The following FAF2 variants were observed in gnomAD, a reference collection of about 807,000 sequenced individuals.
FAF2 encodes the protein Fas associated factor family member 2.
FAF2 carries 9 observed loss-of-function variants against 62.3 expected under a neutral mutation model. The observed-to-expected ratio is 0.14, with a 90% CI of 0.09 to 0.25. The LOEUF (loss-of-function observed/expected upper bound fraction) is 0.25. Ranked by LOEUF, FAF2 falls within the 10% of genes least tolerant of loss-of-function variation. FAF2 has a pLI of 1.00. For missense variants in FAF2, 368 were observed against 556.2 expected (o/e 0.66, Z 3.40); for synonymous variants, 202 against 198.0 (o/e 1.02, Z -0.17).
At chr5:176,462,258 A>C (rs987252161) in intron 1 of FAF2, among the ~76,000 whole-genome samples, 3 of 151,264 alleles carry the variant, frequency 2.0e-5, no homozygotes, top group Admixed American at 6.6e-5. Context: ...CCTGGGTGGC[A>C]GAGTGAGATT....
At chr5:176,497,314 A>T (rs994576490) in intron 8 of FAF2, among the ~76,000 whole-genome samples, 1 of 152,228 alleles carries the variant, frequency 6.6e-6, no homozygotes, top group Non-Finnish European at 1.5e-5. Flanking sequence ...TAATTATAGG[A>T]AATCCTAAAA....
At chr5:176,459,265 T>TC (rs994263888) in intron 1 of FAF2, among the ~76,000 whole-genome samples, 1 of 147,942 alleles carries the variant, frequency 6.8e-6, no homozygotes, top group African/African-American at 2.5e-5. Context: ...TTTTTTTTTT[T>TC]TTTTTCTTTT....
At chr5:176,458,585 A>T in intron 1 of FAF2, among the ~76,000 whole-genome samples, 2 of 141,010 alleles carry the variant, frequency 1.4e-5, no homozygotes, top group African/African-American at 2.6e-5. Context: ...TGTATTTTTT[A>T]AGTAGAGATG....
chr5:176,499,327 A>G (rs748596225), intron 9 of FAF2, among the ~76,000 whole-genome samples: 24 of 152,200 alleles, frequency 1.6e-4, no homozygotes, highest in Non-Finnish European at 3.1e-4. Context: ...GGGCTTTGCC[A>G]TATTGGCCAG....
intron 7 of FAF2, 133 bp from the exon 8 acceptor site, chr5:176,496,353 G>A (rs2963669): frequency 0.81 from 506,070 of 628,218 alleles, 204,524 homozygotes; most frequent in African/African-American, 0.91. Context: ...GGGAAAAAGC[G>A]GAGACTAAAT....
chr5:176,509,263 A>G lies in FAF2; in HGVS notation c.*2313A>G, dbSNP rs1453831387. The G allele has an allele frequency of 6.6e-6, 1 of 152,280 alleles. No individual in the cohort carries two copies. Among genetic ancestry groups the G allele is most frequent in the East Asian group, 1.9e-4 (1 of 5,178 alleles). The allele number at this position is 152,280 out of a possible 1,614,324, so 9.4% of individuals were successfully genotyped here. On this transcript the variant is annotated 3_prime_UTR_variant, in exon 11 of 11. Transcript: ENST00000261942. Reference sequence around the variant, plus strand: ...CTAGGTGCCATTTCCTTTCCTCCTCAGTCAAATACAGGCTGCACATTTTGT... The same window carrying G: ...CTAGGTGCCATTTCCTTTCCTCCTCGGTCAAATACAGGCTGCACATTTTGT...
intron 7 of FAF2, among the ~76,000 whole-genome samples, chr5:176,495,226 A>T (rs886246287): frequency 1.3e-5 from 2 of 152,190 alleles, no homozygotes; most frequent in African/African-American, 4.8e-5. Flanking sequence ...AGTTTATATT[A>T]GCATGCCACA....
chr5:176,462,750 G>T (rs1178761805), intron 1 of FAF2, among the ~76,000 whole-genome samples: 1 of 152,232 alleles, frequency 6.6e-6, no homozygotes, highest in East Asian at 1.9e-4. Flanking sequence ...ATTAAATTTT[G>T]CTAATATATA....
At chr5:176,463,979 C>T (rs774713533) in intron 1 of FAF2, among the ~76,000 whole-genome samples, 1 of 152,144 alleles carries the variant, frequency 6.6e-6, no homozygotes, top group Non-Finnish European at 1.5e-5. Context: ...ATCTGCCTGC[C>T]TCAGCCTCCC....
intron 2 of FAF2, 113 bp from the exon 3 acceptor site, chr5:176,486,242 T>C: frequency 1.5e-6 from 2 of 1,322,472 alleles, no homozygotes; most frequent in Non-Finnish European, 2.1e-6. Flanking sequence ...AGTGACCTTT[T>C]GGTGTATTCA....
chr5:176,480,320 T>G (rs778168004), intron 2 of FAF2, among the ~76,000 whole-genome samples: 2 of 151,992 alleles, frequency 1.3e-5, no homozygotes, highest in Non-Finnish European at 2.9e-5. Flanking sequence ...TTTAATAAAA[T>G]GTATTCCTAA....
rs141664755 is a variant in FAF2, at chr5:176,508,733, A to G, written c.*1783A>G. 1 of 152,322 alleles carries G rather than the reference A, an allele frequency of 6.6e-6. No homozygotes were observed. Among genetic ancestry groups the G allele is most frequent in the African/African-American group, 2.4e-5 (1 of 41,566 alleles). 9.4% of individuals were successfully genotyped at this position (152,322 alleles called of 1,614,324 possible). A position where few individuals can be genotyped will look rare whatever the true frequency, so the allele number is the denominator to read the frequency against. On this transcript the variant is annotated 3_prime_UTR_variant, in exon 11 of 11. Transcript: ENST00000261942. ...GTGGAATCACCATCTGACTGCTGTC[A>G]ATAAAATGTATCTGGCGTGAACAGC...
chr5:176,449,262 C>T lies in FAF2; in HGVS notation c.63+792C>T, dbSNP rs1211678990. Among the ~76,000 whole-genome samples, 5 of 152,192 alleles carry T rather than the reference C, an allele frequency of 3.3e-5. No homozygotes were observed. The East Asian group carries it at 9.6e-4, about 29-fold the overall frequency. ...CACTTTGTTACCAGTTTCCTTATCTCTGAAAGGACTGTCTTAAAAATGTCT... is the reference window on the plus strand; with the variant it reads ...CACTTTGTTACCAGTTTCCTTATCTTTGAAAGGACTGTCTTAAAAATGTCT... On this transcript the variant is annotated intron_variant, in intron 1 of 10. Coordinates refer to ENST00000261942, the MANE Select transcript of FAF2 (RefSeq NM_014613.3).
At chr5:176,476,350 A>G (rs1270315509) in intron 1 of FAF2, among the ~76,000 whole-genome samples, 2 of 152,222 alleles carry the variant, frequency 1.3e-5, no homozygotes, top group African/African-American at 2.4e-5. Flanking sequence ...GCTTATAGCT[A>G]TGATGACTGA....
At chr5:176,470,219 C>G (rs2913731) in intron 1 of FAF2, among the ~76,000 whole-genome samples, 75,707 of 152,136 alleles carry the variant, frequency 0.5, 18,971 homozygotes, top group Admixed American at 0.52. Context: ...AGTTGTATTA[C>G]TAATGGTTGG....
intron 4 of FAF2, 86 bp from the exon 5 acceptor site, chr5:176,492,108 C>T: frequency 7.9e-6 from 12 of 1,516,492 alleles, no homozygotes; most frequent in Non-Finnish European, 1.1e-5. Context: ...GCCTCTGGCT[C>T]TGTTACAGGA....
chr5:176,507,025 GAA>G lies in FAF2; in HGVS notation c.*84_*85del. ...GAAAAAAGAAAACAACAGCAAGTCAGAAAAAAAAAACAAGAGAGAGAAATTCA... is the reference window on the plus strand; with the variant it reads ...GAAAAAAGAAAACAACAGCAAGTCAGAAAAAAAACAAGAGAGAGAAATTCA... On this transcript the variant is annotated 3_prime_UTR_variant, in exon 11 of 11. Transcript: ENST00000261942. 1.1e-6 allele frequency: 1 copy of G among 925,164 alleles called. No homozygotes were observed. 57.3% of individuals were successfully genotyped at this position (925,164 alleles called of 1,614,324 possible).
chr5:176,503,473 T>C (rs551392187), intron 10 of FAF2, among the ~76,000 whole-genome samples: 58 of 151,932 alleles, frequency 3.8e-4, no homozygotes, highest in African/African-American at 1.3e-3. Context: ...CAGAATCGCT[T>C]GAACCTGGGA....
intron 4 of FAF2, among the ~76,000 whole-genome samples, chr5:176,491,261 T>G (rs72807257): frequency 0.02 from 2,981 of 152,330 alleles, 66 homozygotes; most frequent in Non-Finnish European, 0.024. Context: ...TCCTCTGTCC[T>G]GTTGCCTTCT....
Sources: gnomAD v4.1 joint callset for allele counts (sites outside exome capture counted in the v4.1 genomes callset) on GRCh38, gnomAD v4.1.1 for gene constraint, MANE v1.5 for transcripts, NCBI Gene and HGNC (gene_info 2026-07-23, HGNC 2026-07-21) for gene names.